ZNF704: variants seen among roughly 807,000 people sequenced by gnomAD.
ZNF704 encodes zinc finger protein 704, also known as glucocorticoid induced gene 1.
Under a neutral mutation model 44.7 loss-of-function variants are expected in ZNF704, and 10 were observed. The observed-to-expected ratio is 0.22, with a 90% CI of 0.14 to 0.38. The LOEUF (loss-of-function observed/expected upper bound fraction) is 0.38. Among genes scored for constraint, ZNF704 ranks in the 10% least tolerant of loss-of-function variants. The pLI is 1.00. For synonymous variants in ZNF704, 211 were observed against 207.6 expected, an observed-to-expected ratio of 1.02 and a Z score of -0.14; for missense variants, 390 against 545.5, an observed-to-expected ratio of 0.71 and a Z score of 2.84.
At chr8:80,880,446 G>A in the ZNF704 span, among the ~76,000 whole-genome samples, 548 of 152,162 alleles carry the variant, frequency 3.6e-3, 4 homozygotes, top group Non-Finnish European at 6.1e-3. Context: ...TTTGTAGAAG[G>A]GATAAAAGTC....
At chr8:80,686,642 C>CTCTG (rs1233858932) in intron 4 of ZNF704, among the ~76,000 whole-genome samples, 1 of 152,084 alleles carries the variant, frequency 6.6e-6, no homozygotes, top group African/African-American at 2.4e-5. Flanking sequence ...ATCTTCCTGC[C>CTCTG]TCTGTCTCCC....
At chr8:80,666,995 T>G (rs1172634334) in intron 5 of ZNF704, among the ~76,000 whole-genome samples, 3 of 152,314 alleles carry the variant, frequency 2.0e-5, no homozygotes, top group African/African-American at 7.2e-5. Flanking sequence ...CAATTTTGTC[T>G]TTTAAAGAGA....
chr8:80,644,879 T>A (rs550047733), intron 7 of ZNF704: 7 of 771,004 alleles, frequency 9.1e-6, no homozygotes, highest in Non-Finnish European at 1.6e-5. Context: ...TGAAAGATGT[T>A]AGGAAGTAAG....
At chr8:80,648,282 T>C (rs549157922) in intron 7 of ZNF704, among the ~76,000 whole-genome samples, 1 of 152,352 alleles carries the variant, frequency 6.6e-6, no homozygotes, top group South Asian at 2.1e-4. Context: ...AAAGTCCTTC[T>C]TCCTGCTAAT....
chr8:80,643,516 C>CAAAAAAAAA (rs1174433192), intron 7 of ZNF704, among the ~76,000 whole-genome samples: 2 of 23,392 alleles, frequency 8.5e-5, no homozygotes, highest in Non-Finnish European at 2.0e-4. Flanking sequence ...GATCCTGTCT[C>CAAAAAAAAA]AAAAAAAAAA....
intron 2 of ZNF704, among the ~76,000 whole-genome samples, chr8:80,803,923 G>T (rs907167894): frequency 3.3e-5 from 5 of 152,048 alleles, no homozygotes; most frequent in Non-Finnish European, 7.4e-5. Context: ...AAAATTTTTT[G>T]CCATCTATCC....
intron 2 of ZNF704, among the ~76,000 whole-genome samples, chr8:80,729,476 G>C (rs1454264584): frequency 6.6e-6 from 1 of 152,146 alleles, no homozygotes; most frequent in East Asian, 1.9e-4. Flanking sequence ...ATAATGGGAA[G>C]GGTATGAGGA....
intron 2 of ZNF704, among the ~76,000 whole-genome samples, chr8:80,817,920 C>T (rs1408638841): frequency 6.6e-6 from 1 of 152,184 alleles, no homozygotes. Flanking sequence ...GTGTCTGTCC[C>T]TCTCATTCCA....
At chr8:80,702,251 G>A (rs1818821811) in intron 2 of ZNF704, among the ~76,000 whole-genome samples, 1 of 152,310 alleles carries the variant, frequency 6.6e-6, no homozygotes, top group East Asian at 1.9e-4. Flanking sequence ...TCTCTCTGGA[G>A]GTCTCTCCTC....
intron 2 of ZNF704, among the ~76,000 whole-genome samples, chr8:80,799,945 C>T (rs1807871529): frequency 6.6e-6 from 1 of 151,978 alleles, no homozygotes; most frequent in Admixed American, 6.6e-5. Flanking sequence ...GAGCTGATAG[C>T]CAGAATAGCT....
chr8:80,662,899 GGT>G (rs1302602914), intron 6 of ZNF704, among the ~76,000 whole-genome samples: 4 of 152,040 alleles, frequency 2.6e-5, no homozygotes, highest in African/African-American at 9.7e-5. Context: ...AAAACAATTT[GGT>G]GTTTCAATTT....
chr8:80,830,995 C>T (rs1489773190), intron 1 of ZNF704, among the ~76,000 whole-genome samples: 1 of 151,974 alleles, frequency 6.6e-6, no homozygotes, highest in Non-Finnish European at 1.5e-5. Context: ...ACCTCGTGAT[C>T]TGCCCACCTC....
chr8:80,842,127 T>C (rs2129968192), intron 1 of ZNF704, among the ~76,000 whole-genome samples: 1 of 152,268 alleles, frequency 6.6e-6, no homozygotes, highest in South Asian at 2.1e-4. Context: ...AACCCAGTAT[T>C]CCTGGCTAAA....
At chr8:80,861,345 A>G (rs1297286705) in intron 1 of ZNF704, among the ~76,000 whole-genome samples, 3 of 152,114 alleles carry the variant, frequency 2.0e-5, no homozygotes, top group African/African-American at 7.2e-5. Flanking sequence ...GTGTTTTCTA[A>G]CACATTAACC....
rs1184376520 is a variant in ZNF704 at position 80,630,598 on chromosome 8, CTGT to C, written c.*10765_*10767del. On this transcript the variant is annotated 3_prime_UTR_variant, in exon 9 of 9. Coordinates refer to ENST00000327835, the MANE Select transcript of ZNF704 (RefSeq NM_001033723.3). ...AAGGGCAACAGAGGTTTTGTGATTA[CTGT>C]TGTTCTCTCTCTCCAGTCTTCTCAT... is the stretch of plus-strand genomic sequence containing the variant. 1 of 152,170 alleles carries C rather than the reference CTGT, an allele frequency of 6.6e-6. No homozygotes were observed. Among genetic ancestry groups the C allele is most frequent in the African/African-American group, 2.4e-5 (1 of 41,444 alleles). 9.4% of individuals were successfully genotyped at this position (152,170 alleles called of 1,614,324 possible).
chr8:80,667,886 C>T (rs1320054210), intron 5 of ZNF704, among the ~76,000 whole-genome samples: 2 of 152,060 alleles, frequency 1.3e-5, no homozygotes, highest in African/African-American at 4.8e-5. Context: ...AATTATAGTA[C>T]CAGATTTTGT....
chr8:80,847,842 G>A (rs991576345), intron 1 of ZNF704, among the ~76,000 whole-genome samples: 21 of 152,122 alleles, frequency 1.4e-4, no homozygotes, highest in Admixed American at 1.3e-3. Context: ...ATGCAAAATG[G>A]TACAGCCACT....
intron 1 of ZNF704, among the ~76,000 whole-genome samples, chr8:80,867,417 C>G (rs535071598): frequency 6.6e-6 from 1 of 152,148 alleles, no homozygotes; most frequent in Non-Finnish European, 1.5e-5. Context: ...AAGAAACCAA[C>G]CCAGAACTGA....
At chr8:80,851,964 G>C (rs1304164912) in intron 1 of ZNF704, among the ~76,000 whole-genome samples, 1 of 152,118 alleles carries the variant, frequency 6.6e-6, no homozygotes, top group African/African-American at 2.4e-5. Flanking sequence ...CATTTAGAGA[G>C]TAAGGACTGA....
Sources: allele counts gnomAD v4.1 joint callset (sites outside exome capture counted in the v4.1 genomes callset), GRCh38; gene constraint gnomAD v4.1.1; transcripts MANE v1.5; gene names NCBI Gene and HGNC (gene_info 2026-07-23, HGNC 2026-07-21).